The following EBF1 variants were observed in gnomAD, a reference collection of about 807,000 sequenced individuals.
EBF1 encodes transcription factor COE1.
EBF1 carries 10 observed loss-of-function variants against 68.4 expected under a neutral mutation model. The observed-to-expected ratio is 0.15, with a 90% CI of 0.09 to 0.25. The LOEUF (loss-of-function observed/expected upper bound fraction) is 0.25, where lower values mean the gene tolerates loss of function less well. Among genes scored for constraint, EBF1 ranks in the 10% least tolerant of loss-of-function variants. EBF1 has a pLI of 1.00. For synonymous variants in EBF1, 298 were observed against 299.8 expected (o/e 0.99, Z 0.06); for missense variants, 509 against 794.4 (o/e 0.64, Z 4.32).
At chr5:158,699,861 G>GA (rs554120762) in intron 15 of EBF1, among the ~76,000 whole-genome samples, 96 of 152,274 alleles carry the variant, frequency 6.3e-4, no homozygotes, top group Admixed American at 1.7e-3. Flanking sequence ...GAGATCCTGG[G>GA]AAAAAAGAAG....
intron 6 of EBF1, chr5:159,019,058 A>G (rs1216743715): frequency 2.0e-5 from 3 of 152,212 alleles, no homozygotes; most frequent in Non-Finnish European, 4.4e-5. Context: ...TTGTAAGTCC[A>G]GTAAGTGTTT....
intron 6 of EBF1, among the ~76,000 whole-genome samples, chr5:158,873,298 T>G (rs1250350022): frequency 6.6e-6 from 1 of 152,150 alleles, no homozygotes; most frequent in Non-Finnish European, 1.5e-5. Context: ...GCATCTTAGA[T>G]TCTACATCCT....
At chr5:159,071,822 C>G (rs1467481225) in intron 6 of EBF1, among the ~76,000 whole-genome samples, 6 of 151,700 alleles carry the variant, frequency 4.0e-5, no homozygotes, top group Non-Finnish European at 8.8e-5. Flanking sequence ...CATGGCAGAA[C>G]AAAATGCTTA....
chr5:158,788,369 A>G (rs6866172), intron 9 of EBF1, among the ~76,000 whole-genome samples: 22,624 of 152,126 alleles, frequency 0.15, 2,694 homozygotes, highest in African/African-American at 0.33. Context: ...GATCCCATGG[A>G]GAGCAATGGC....
At chr5:159,050,001 T>G (rs914163444) in intron 6 of EBF1, among the ~76,000 whole-genome samples, 1 of 152,138 alleles carries the variant, frequency 6.6e-6, no homozygotes, top group African/African-American at 2.4e-5. Context: ...TAAGGTTTAA[T>G]TTCACGGCAT....
chr5:158,914,724 A>G (rs552803009), intron 6 of EBF1, among the ~76,000 whole-genome samples: 1 of 152,286 alleles, frequency 6.6e-6, no homozygotes, highest in African/African-American at 2.4e-5. Context: ...CAGAAGGAAT[A>G]AAGGTAGAAG....
In EBF1 at chr5:158,761,114, T is replaced by C. The variant is rs187040525; in HGVS notation, c.1036+16299A>G. 1.1e-3 allele frequency among the ~76,000 whole-genome samples: 175 copies of C among 152,280 alleles called. 1 individual carries two copies. Among genetic ancestry groups the C allele is most frequent in the African/African-American group, 3.4e-3 (143 of 41,566 alleles). ...AAAACACAAAAAGAGGCAGGATTGA[T>C]CAGCACTTTGCATCTGAAATTTCAT... On this transcript the variant is annotated intron_variant, in intron 10 of 15. Coordinates refer to ENST00000313708, the MANE Select transcript of EBF1 (RefSeq NM_024007.5).
chr5:159,085,647 A>G (rs978529787), intron 4 of EBF1, among the ~76,000 whole-genome samples: 6 of 152,216 alleles, frequency 3.9e-5, no homozygotes, highest in African/African-American at 1.4e-4. Flanking sequence ...ACGGCATAAT[A>G]CTAATATCAC....
At chr5:159,040,528 G>C (rs922858710) in intron 6 of EBF1, among the ~76,000 whole-genome samples, 21 of 152,268 alleles carry the variant, frequency 1.4e-4, no homozygotes, top group African/African-American at 4.8e-4. Context: ...TCCACCCTCA[G>C]TGCCCTTGGT....
intron 8 of EBF1, among the ~76,000 whole-genome samples, chr5:158,819,935 C>T (rs377152650): frequency 3.5e-4 from 53 of 152,208 alleles, no homozygotes; most frequent in Non-Finnish European, 5.3e-4. Context: ...ATAAATTTGC[C>T]TTTGTCAACT....
intron 6 of EBF1, among the ~76,000 whole-genome samples, chr5:158,980,359 G>A (rs770783289): frequency 6.6e-6 from 1 of 152,078 alleles, no homozygotes; most frequent in African/African-American, 2.4e-5. Flanking sequence ...CTGCTGGCAC[G>A]CTCTCTATCA....
chr5:159,053,808 T>C (rs1029307751), intron 6 of EBF1, among the ~76,000 whole-genome samples: 2 of 152,230 alleles, frequency 1.3e-5, no homozygotes, highest in African/African-American at 4.8e-5. Flanking sequence ...AGGCATTGCA[T>C]GGCAAAAATA....
chr5:158,863,639 T>A (rs915920375), intron 6 of EBF1, among the ~76,000 whole-genome samples: 10 of 152,084 alleles, frequency 6.6e-5, no homozygotes, highest in African/African-American at 7.2e-5. Flanking sequence ...CATGGCTTAT[T>A]ATAAAAAAAA....
intron 6 of EBF1, among the ~76,000 whole-genome samples, chr5:158,911,097 G>T (rs1805863764): frequency 6.6e-6 from 1 of 152,096 alleles, no homozygotes; most frequent in Non-Finnish European, 1.5e-5. Flanking sequence ...TTCAGTCATG[G>T]AACACACTTC....
intron 6 of EBF1, among the ~76,000 whole-genome samples, chr5:158,873,582 G>A (rs1043793345): frequency 6.6e-6 from 1 of 151,992 alleles, no homozygotes; most frequent in Non-Finnish European, 1.5e-5. Context: ...ACTTATCTGA[G>A]ATAAAAGAAA....
chr5:158,974,697 C>CT (rs1756371832), intron 6 of EBF1, among the ~76,000 whole-genome samples: 1 of 152,130 alleles, frequency 6.6e-6, no homozygotes, highest in South Asian at 2.1e-4. Flanking sequence ...ACCCAAAAGA[C>CT]TATAATGGTT....
rs543067305 is a variant in EBF1, at chr5:158,729,376, G to A, written c.1125+1693C>T. 3.3e-5 allele frequency among the ~76,000 whole-genome samples: 5 copies of A among 149,596 alleles called. No homozygotes were observed. The South Asian group carries it at 8.4e-4, about 25-fold the overall frequency. ...TATAAAGTGAATACAGTGCCCAAAT[G>A]TTCCTCACTGGGAACAATGGGAAGA... On this transcript the variant is annotated intron_variant, in intron 11 of 15. Coordinates refer to ENST00000313708, the MANE Select transcript of EBF1 (RefSeq NM_024007.5).
chr5:158,975,947 A>T (rs565624151), intron 6 of EBF1, among the ~76,000 whole-genome samples: 89 of 152,332 alleles, frequency 5.8e-4, no homozygotes, highest in Non-Finnish European at 8.7e-4. Context: ...AAAGGAAGTT[A>T]AGTCCCTAAT....
At chr5:158,799,920 G>A (rs1780289652) in intron 8 of EBF1, among the ~76,000 whole-genome samples, 1 of 152,114 alleles carries the variant, frequency 6.6e-6, no homozygotes. Context: ...CAAACAAAAT[G>A]TTTGTGGGCT....
Sources: allele counts gnomAD v4.1 joint callset (sites outside exome capture counted in the v4.1 genomes callset), GRCh38; gene constraint gnomAD v4.1.1; transcripts MANE v1.5; gene names NCBI Gene and HGNC (gene_info 2026-07-23, HGNC 2026-07-21).